TENM4: variants seen among roughly 807,000 people sequenced by gnomAD.
TENM4 encodes teneurin-4.
Under a neutral mutation model 243.3 loss-of-function variants are expected in TENM4, and 82 were observed. That is an observed-to-expected ratio of 0.34 (90% confidence interval 0.28 to 0.40). The LOEUF is 0.40. Ranked by LOEUF, TENM4 falls within the 10% of genes least tolerant of loss-of-function variation. The probability of loss-of-function intolerance (pLI) is 1.00; values close to 1 mark genes in which losing one functional copy is unlikely to be tolerated. For synonymous variants in TENM4, 1,412 were observed against 1,456.3 expected, an observed-to-expected ratio of 0.97 and a Z score of 0.69; for missense variants, 3,138 against 3,673.3, an observed-to-expected ratio of 0.85 and a Z score of 3.77.
In TENM4 at chr11:79,125,429, GA is replaced by G. The variant is rs201849080; in HGVS notation, c.-66+23280del. Among the ~76,000 whole-genome samples the G allele has an allele frequency of 4.6e-3, 704 of 152,214 alleles. 5 individuals are homozygous for G. The highest frequency in any genetic ancestry group is 0.016 in the African/African-American group (676 of 41,532). On this transcript the variant is annotated intron_variant, in intron 4 of 33. Coordinates refer to ENST00000278550, the MANE Select transcript of TENM4 (RefSeq NM_001098816.3). ...CTGCAGGGAAAGAGCTGAAATTGTG[GA>G]AAAACAGACACAAGCTCTTATCATG...
At chr11:78,774,438 G>A (rs539020738) in intron 17 of TENM4, among the ~76,000 whole-genome samples, 2 of 152,286 alleles carry the variant, frequency 1.3e-5, no homozygotes, top group African/African-American at 4.8e-5. Context: ...GATGGGTTCA[G>A]GGCTGCGAGT....
intron 1 of TENM4, among the ~76,000 whole-genome samples, chr11:79,349,083 G>A (rs1050345700): frequency 1.3e-5 from 2 of 152,074 alleles, no homozygotes; most frequent in Admixed American, 6.6e-5. Flanking sequence ...CCAGGGTCCC[G>A]ACTCCTGCTT....
At chr11:78,804,460 T>C (rs558064871) in intron 15 of TENM4, among the ~76,000 whole-genome samples, 3 of 152,326 alleles carry the variant, frequency 2.0e-5, no homozygotes, top group Admixed American at 6.5e-5. Context: ...AGGGTTTTTG[T>C]GCAGATTAAA....
chr11:79,232,214 G>A (rs1056553203), intron 2 of TENM4, among the ~76,000 whole-genome samples: 2 of 152,252 alleles, frequency 1.3e-5, no homozygotes, highest in South Asian at 2.1e-4. Context: ...TCAGGGTTCT[G>A]GGTCATGCTT....
At chr11:79,048,460 C>T (rs539273619) in intron 6 of TENM4, among the ~76,000 whole-genome samples, 1 of 152,146 alleles carries the variant, frequency 6.6e-6, no homozygotes, top group African/African-American at 2.4e-5. Flanking sequence ...GAGCAAAGCC[C>T]TGATCCTGGA....
intron 6 of TENM4, among the ~76,000 whole-genome samples, chr11:79,000,753 G>A (rs773245908): frequency 2.7e-4 from 41 of 152,336 alleles, no homozygotes; most frequent in Non-Finnish European, 4.7e-4. Context: ...AGGAAGGGCC[G>A]GGTGCAGCGG....
intron 10 of TENM4, 81 bp from the exon 11 acceptor site, chr11:78,856,259 C>A: frequency 8.2e-7 from 1 of 1,224,918 alleles, no homozygotes; most frequent in South Asian, 1.4e-5. Context: ...TCTGAACACC[C>A]GGGACTCTCC....
chr11:79,046,625 A>G (rs1470248934), intron 6 of TENM4, among the ~76,000 whole-genome samples: 2 of 152,222 alleles, frequency 1.3e-5, no homozygotes, highest in African/African-American at 4.8e-5. Context: ...TGAAGGCAGC[A>G]CCATGCAGGG....
At chr11:79,362,626 G>C (rs987345434) in intron 1 of TENM4, among the ~76,000 whole-genome samples, 1 of 152,186 alleles carries the variant, frequency 6.6e-6, no homozygotes, top group Non-Finnish European at 1.5e-5. Context: ...TATTTATAGA[G>C]CCTGTGGGAG....
intron 22 of TENM4, among the ~76,000 whole-genome samples, 196 bp downstream of exon 22, chr11:78,729,180 G>T (rs1855592477): frequency 2.6e-5 from 4 of 152,028 alleles, no homozygotes; most frequent in Admixed American, 2.0e-4. Context: ...TCATTGTAAT[G>T]GTCGGGTTTT....
Position 78,658,003 on chromosome 11 carries a change from G to A in TENM4, c.*55C>T. ...TTTTTTAAAAGTACAACACAGTCAG[G>A]TATGCGGCCACAAAAGAGTAGCTGT... On this transcript the variant is annotated 3_prime_UTR_variant, in exon 34 of 34. Coordinates refer to ENST00000278550, the MANE Select transcript of TENM4 (RefSeq NM_001098816.3). The A allele has an allele frequency of 6.2e-7, 1 of 1,606,766 alleles. No individual in the cohort carries two copies. Among genetic ancestry groups the A allele is most frequent in the Non-Finnish European group, 8.5e-7 (1 of 1,175,236 alleles).
intron 1 of TENM4, among the ~76,000 whole-genome samples, chr11:79,384,917 C>T (rs1449704792): frequency 7.4e-5 from 3 of 40,308 alleles, no homozygotes; most frequent in East Asian, 7.1e-4. Context: ...CAGAGCAAGA[C>T]TCCGTCTCAA....
intron 4 of TENM4, among the ~76,000 whole-genome samples, chr11:79,100,820 G>T (rs1024089796): frequency 1.3e-5 from 2 of 152,120 alleles, no homozygotes; most frequent in South Asian, 2.1e-4. Context: ...GTGGACAAAA[G>T]GTATTTAGCA....
chr11:79,430,164 G>A (rs955698705), intron 1 of TENM4, among the ~76,000 whole-genome samples: 1 of 138,406 alleles, frequency 7.2e-6, no homozygotes, highest in African/African-American at 2.7e-5. Flanking sequence ...AGTTAGGCAT[G>A]TTTGTTTCAA....
chr11:79,139,777 A>ATATTATATAT (rs1555016067), intron 4 of TENM4, among the ~76,000 whole-genome samples: 1 of 26,796 alleles, frequency 3.7e-5, no homozygotes, highest in Non-Finnish European at 6.1e-5. Context: ...ATAAATATAT[A>ATATTATATAT]ATATATATTA....
intron 1 of TENM4, among the ~76,000 whole-genome samples, chr11:79,385,380 A>G (rs1392793577): frequency 2.6e-5 from 4 of 152,212 alleles, no homozygotes; most frequent in Non-Finnish European, 5.9e-5. Context: ...TTCAGATCAC[A>G]TATTTTAGAT....
chr11:79,388,395 A>G (rs934248061), intron 1 of TENM4, among the ~76,000 whole-genome samples: 5 of 152,226 alleles, frequency 3.3e-5, no homozygotes, highest in African/African-American at 1.2e-4. Context: ...ATTCAAGGGA[A>G]ACCACTTTGT....
At chr11:79,009,792 C>T (rs66849030) in intron 6 of TENM4, among the ~76,000 whole-genome samples, 14,395 of 152,136 alleles carry the variant, frequency 0.095, 874 homozygotes, top group African/African-American at 0.17. Flanking sequence ...AAGCTTTCCC[C>T]GAACACTTCA....
intron 6 of TENM4, among the ~76,000 whole-genome samples, chr11:78,953,448 G>C (rs1485001953): frequency 6.6e-6 from 1 of 152,146 alleles, no homozygotes; most frequent in African/African-American, 2.4e-5. Context: ...AAGGGAATAA[G>C]GAAACTGACA....
Sources: allele counts gnomAD v4.1 joint callset (sites outside exome capture counted in the v4.1 genomes callset), GRCh38; gene constraint gnomAD v4.1.1; transcripts MANE v1.5; gene names NCBI Gene and HGNC (gene_info 2026-07-23, HGNC 2026-07-21).